The following THSD7A variants were observed in gnomAD, a reference collection of about 807,000 sequenced individuals.
The protein encoded by THSD7A is thrombospondin type 1 domain containing 7A, also known as thrombospondin type-1 domain-containing protein 7A.
In THSD7A, 96 loss-of-function variants were observed where a neutral mutation model predicts 231.3. The ratio of observed to expected loss-of-function variants is 0.41; its 90% CI spans 0.35 to 0.49. The LOEUF is 0.49. Ranked by LOEUF, THSD7A falls within the 20% of genes least tolerant of loss-of-function variation. The pLI is 0.05. For missense variants in THSD7A, 2,290 were observed against 2,070.2 expected, an observed-to-expected ratio of 1.11 and a Z score of -2.06; for synonymous variants, 940 against 743.3, an observed-to-expected ratio of 1.26 and a Z score of -4.30.
At chr7:11,558,385 A>C (rs1789937096) in intron 4 of THSD7A, among the ~76,000 whole-genome samples, 1 of 152,102 alleles carries the variant, frequency 6.6e-6, no homozygotes, top group South Asian at 2.1e-4. Flanking sequence ...TAATAAGAAA[A>C]ATCCTCAGAG....
At chr7:11,432,254 A>C (rs916562046) in intron 13 of THSD7A, among the ~76,000 whole-genome samples, 12 of 152,126 alleles carry the variant, frequency 7.9e-5, no homozygotes, top group Non-Finnish European at 1.5e-4. Flanking sequence ...AGGAAGTGCT[A>C]CTATAAGATA....
chr7:11,536,107 G>C (rs569482834), intron 6 of THSD7A, among the ~76,000 whole-genome samples: 2 of 152,146 alleles, frequency 1.3e-5, no homozygotes, highest in East Asian at 3.9e-4. Context: ...GAGTCTTCAG[G>C]TTTTCCAGCC....
intron 13 of THSD7A, among the ~76,000 whole-genome samples, chr7:11,435,474 A>C (rs1583735592): frequency 2.0e-5 from 3 of 152,072 alleles, no homozygotes; most frequent in African/African-American, 7.2e-5. Context: ...TTAAGACGAG[A>C]GAGATTGCAT....
chr7:11,547,007 T>A (rs1583949267), intron 4 of THSD7A, among the ~76,000 whole-genome samples: 1 of 152,068 alleles, frequency 6.6e-6, no homozygotes. Context: ...ACAAAAATAA[T>A]GTAAACAAAT....
chr7:11,381,766 T>C (rs1583639069), intron 24 of THSD7A, among the ~76,000 whole-genome samples: 1 of 152,164 alleles, frequency 6.6e-6, no homozygotes, highest in Non-Finnish European at 1.5e-5. Flanking sequence ...TATTTCTTTC[T>C]AGGAAATTTG....
At chr7:11,698,255 G>A (rs1021634228) in intron 1 of THSD7A, among the ~76,000 whole-genome samples, 5 of 151,178 alleles carry the variant, frequency 3.3e-5, no homozygotes, top group Non-Finnish European at 7.4e-5. Flanking sequence ...TTTTGGATCA[G>A]AAAATATGAT....
chr7:11,472,475 A>C (rs1785976438), intron 8 of THSD7A, among the ~76,000 whole-genome samples: 1 of 152,172 alleles, frequency 6.6e-6, no homozygotes, highest in Non-Finnish European at 1.5e-5. Context: ...GAAAGGCAAT[A>C]ATATTTTCTT....
rs777463932 is a variant in THSD7A, at chr7:11,743,027, G to C, written c.190+88730C>G. Among the ~76,000 whole-genome samples, 3 of 151,818 alleles carry C rather than the reference G, an allele frequency of 2.0e-5. No homozygotes were observed. In the East Asian group the frequency reaches 5.9e-4, roughly 30 times the overall value. On this transcript the variant is annotated intron_variant, in intron 1 of 27. Transcript: ENST00000423059. ...TGAAGAAATCTGCTACTACATCAAG[G>C]TTCATTCAGTGGATAAAGATTAAGG...
At chr7:11,707,243 C>T (rs1780798783) in intron 1 of THSD7A, among the ~76,000 whole-genome samples, 1 of 150,834 alleles carries the variant, frequency 6.6e-6, no homozygotes, top group Admixed American at 6.6e-5. Flanking sequence ...TAAATTTAAT[C>T]CCAAGTAGCT....
intron 4 of THSD7A, among the ~76,000 whole-genome samples, chr7:11,579,868 G>A (rs1341415572): frequency 6.6e-6 from 1 of 152,156 alleles, no homozygotes; most frequent in Admixed American, 6.5e-5. Flanking sequence ...AACAATGCAT[G>A]TGTTTCTGTT....
At chr7:11,771,922 A>C (rs1783242931) in intron 1 of THSD7A, among the ~76,000 whole-genome samples, 1 of 151,590 alleles carries the variant, frequency 6.6e-6, no homozygotes, top group Non-Finnish European at 1.5e-5. Flanking sequence ...TCTTGCTCCT[A>C]CTCTGGCCGT....
intron 1 of THSD7A, among the ~76,000 whole-genome samples, chr7:11,645,114 TATA>T (rs1382429962): frequency 2.6e-4 from 40 of 152,038 alleles, no homozygotes; most frequent in African/African-American, 9.4e-4. Context: ...CATTGGTTAT[TATA>T]ATATTTTCTT....
intron 1 of THSD7A, among the ~76,000 whole-genome samples, chr7:11,677,506 G>T (rs992683413): frequency 7.2e-6 from 1 of 139,340 alleles, no homozygotes. Flanking sequence ...CTGTATTCAG[G>T]AGACCCATCT....
chr7:11,487,570 C>G (rs957222123), intron 6 of THSD7A, among the ~76,000 whole-genome samples: 1 of 151,914 alleles, frequency 6.6e-6, no homozygotes, highest in Non-Finnish European at 1.5e-5. Flanking sequence ...TCAAGATATA[C>G]CCAAGACTGG....
chr7:11,548,178 T>C (rs1261660149), intron 4 of THSD7A, among the ~76,000 whole-genome samples: 1 of 152,026 alleles, frequency 6.6e-6, no homozygotes, highest in East Asian at 1.9e-4. Flanking sequence ...AAAGGTGACA[T>C]AACCAGTGAC....
intron 9 of THSD7A, 79 bp downstream of exon 9, chr7:11,469,800 A>T: frequency 1.0e-6 from 1 of 954,036 alleles, no homozygotes; most frequent in Non-Finnish European, 1.6e-6. Flanking sequence ...ACTCACAAAC[A>T]TTGCTAGGCC....
chr7:11,475,040 G>C (rs941690119), intron 7 of THSD7A, among the ~76,000 whole-genome samples: 1 of 152,068 alleles, frequency 6.6e-6, no homozygotes, highest in Non-Finnish European at 1.5e-5. Context: ...TAAATAAACA[G>C]AAGCAAAGGC....
chr7:11,597,634 A>T (rs1010252163), intron 2 of THSD7A, among the ~76,000 whole-genome samples: 2 of 152,170 alleles, frequency 1.3e-5, no homozygotes, highest in African/African-American at 4.8e-5. Flanking sequence ...TCCTTTTGAG[A>T]GACAGCTCTT....
At chr7:11,746,396 T>C (rs1458479493) in intron 1 of THSD7A, among the ~76,000 whole-genome samples, 1 of 151,866 alleles carries the variant, frequency 6.6e-6, no homozygotes, top group Non-Finnish European at 1.5e-5. Context: ...TGATGTCCTT[T>C]TTCTGTTCCA....
Sources: allele counts gnomAD v4.1 joint callset (sites outside exome capture counted in the v4.1 genomes callset), GRCh38; gene constraint gnomAD v4.1.1; transcripts MANE v1.5; gene names NCBI Gene and HGNC (gene_info 2026-07-23, HGNC 2026-07-21).